PDLIM5: variants seen among roughly 807,000 people sequenced by gnomAD.
PDLIM5 encodes the protein PDZ and LIM domain 5.
Under a neutral mutation model 64.2 loss-of-function variants are expected in PDLIM5, and 34 were observed. That is an observed-to-expected ratio of 0.53 (90% confidence interval 0.40 to 0.71). PDLIM5 has a LOEUF of 0.71. Ranked by LOEUF, PDLIM5 falls within the 30% of genes least tolerant of loss-of-function variation. The pLI is 0.00. For missense variants in PDLIM5, 683 were observed against 733.6 expected (o/e 0.93, Z 0.80); for synonymous variants, 253 against 269.1 (o/e 0.94, Z 0.59).
At chr4:94,647,160 G>T (rs1214937136) in intron 9 of PDLIM5, among the ~76,000 whole-genome samples, 2 of 152,044 alleles carry the variant, frequency 1.3e-5, no homozygotes, top group Non-Finnish European at 2.9e-5. Flanking sequence ...TTATCAGTAG[G>T]TTACATTAAA....
intron 9 of PDLIM5, among the ~76,000 whole-genome samples, chr4:94,653,782 A>G (rs1742016068): frequency 6.6e-6 from 1 of 152,214 alleles, no homozygotes; most frequent in Non-Finnish European, 1.5e-5. Context: ...TCTTACCACA[A>G]TAAAATTAAA....
intron 2 of PDLIM5, among the ~76,000 whole-genome samples, chr4:94,467,915 G>A (rs539627619): frequency 6.6e-6 from 1 of 152,180 alleles, no homozygotes; most frequent in Non-Finnish European, 1.5e-5. Flanking sequence ...TTCTTCAAAT[G>A]TTTCTCTCAT....
intron 2 of PDLIM5, among the ~76,000 whole-genome samples, chr4:94,493,178 G>A (rs1159439688): frequency 1.3e-5 from 2 of 151,928 alleles, no homozygotes; most frequent in African/African-American, 2.4e-5. Flanking sequence ...ATTGCTATTC[G>A]GATCTTTTGC....
At chr4:94,645,408 CTTT>C (rs1741335899) in intron 9 of PDLIM5, among the ~76,000 whole-genome samples, 2 of 152,152 alleles carry the variant, frequency 1.3e-5, no homozygotes, top group African/African-American at 4.8e-5. Flanking sequence ...ACACTGACTT[CTTT>C]TCCTGTTAGT....
At chr4:94,485,914 T>G (rs1317182836) in intron 2 of PDLIM5, among the ~76,000 whole-genome samples, 1 of 150,034 alleles carries the variant, frequency 6.7e-6, no homozygotes, top group Non-Finnish European at 1.5e-5. Context: ...TTAAAAAACA[T>G]GAAATCATGT....
chr4:94,546,701 A>C (rs1446322794), intron 3 of PDLIM5, among the ~76,000 whole-genome samples: 1 of 152,142 alleles, frequency 6.6e-6, no homozygotes, highest in Non-Finnish European at 1.5e-5. Flanking sequence ...ATTTTTTAAA[A>C]TATAAAGCTA....
At chr4:94,601,715 C>T (rs952751355) in intron 7 of PDLIM5, among the ~76,000 whole-genome samples, 2 of 152,068 alleles carry the variant, frequency 1.3e-5, no homozygotes, top group Non-Finnish European at 2.9e-5. Context: ...TCTCAAGATG[C>T]CATCTATGTA....
intron 5 of PDLIM5, among the ~76,000 whole-genome samples, chr4:94,585,193 C>T (rs113288904): frequency 2.0e-5 from 3 of 152,056 alleles, no homozygotes; most frequent in Non-Finnish European, 2.9e-5. Context: ...CAGGTTCAAG[C>T]GATTCTCCTG....
chr4:94,582,695 G>T (rs765725438), intron 5 of PDLIM5: 1 of 1,547,646 alleles, frequency 6.5e-7, no homozygotes, highest in Non-Finnish European at 8.9e-7. Context: ...ATCTTTTTTT[G>T]TGTGTGTTAT....
chr4:94,613,888 A>T (rs1023350044), intron 7 of PDLIM5, among the ~76,000 whole-genome samples: 3 of 151,956 alleles, frequency 2.0e-5, no homozygotes, highest in Non-Finnish European at 4.4e-5. Context: ...AATCATTAGA[A>T]GTTTCTTGCT....
intron 8 of PDLIM5, among the ~76,000 whole-genome samples, chr4:94,636,424 A>AG (rs1451491310): frequency 6.6e-6 from 1 of 151,960 alleles, no homozygotes; most frequent in Non-Finnish European, 1.5e-5. Flanking sequence ...GGCAAAAAAA[A>AG]AAAAAAATTG....
At chr4:94,589,293 CA>C (rs1051344101) in intron 7 of PDLIM5, among the ~76,000 whole-genome samples, 6 of 151,898 alleles carry the variant, frequency 4.0e-5, no homozygotes, top group African/African-American at 1.5e-4. Context: ...CTAATACAGA[CA>C]AGAGAACATG....
chr4:94,605,062 A>T (rs1245626514), intron 7 of PDLIM5, among the ~76,000 whole-genome samples: 1 of 152,146 alleles, frequency 6.6e-6, no homozygotes, highest in East Asian at 1.9e-4. Context: ...GAAAGTAAAG[A>T]TAGTCTGTTG....
intron 8 of PDLIM5, among the ~76,000 whole-genome samples, chr4:94,635,718 C>G (rs1740506124): frequency 1.3e-5 from 2 of 152,204 alleles, no homozygotes; most frequent in Admixed American, 1.3e-4. Flanking sequence ...TTACACGTCC[C>G]TCTTCCCCGT....
At chr4:94,534,868 C>T (rs534876276) in intron 3 of PDLIM5, among the ~76,000 whole-genome samples, 1 of 152,302 alleles carries the variant, frequency 6.6e-6, no homozygotes, top group African/African-American at 2.4e-5. Flanking sequence ...ACTTCCCTGA[C>T]TTCCCTCTCT....
intron 5 of PDLIM5, among the ~76,000 whole-genome samples, chr4:94,578,618 T>G (rs529062462): frequency 1.4e-4 from 21 of 152,158 alleles, no homozygotes; most frequent in Non-Finnish European, 2.5e-4. Context: ...ATTACACACT[T>G]TACTAGTCAG....
At chr4:94,648,127 T>C (rs1741562159) in intron 9 of PDLIM5, among the ~76,000 whole-genome samples, 1 of 151,464 alleles carries the variant, frequency 6.6e-6, no homozygotes, top group Non-Finnish European at 1.5e-5. Flanking sequence ...TCAAACTAAG[T>C]CCAAAACTTA....
At chr4:94,544,737 C>T (rs184579045) in intron 3 of PDLIM5, among the ~76,000 whole-genome samples, 157 of 152,322 alleles carry the variant, frequency 1.0e-3, no homozygotes, top group African/African-American at 3.7e-3. Flanking sequence ...CTCACTACAA[C>T]CTCCGCCTCT....
Position 94,589,120 on chromosome 4 carries a change from A to G in PDLIM5, c.920+2676A>G, listed in dbSNP as rs1384729673. Among the ~76,000 whole-genome samples the G allele has an allele frequency of 2.6e-5, 4 of 152,338 alleles. No homozygotes were observed. In the East Asian group the frequency reaches 7.7e-4, roughly 29 times the overall value. On this transcript the variant is annotated intron_variant, in intron 7 of 12. Transcript: ENST00000317968. ...TACCCAGTAATTCTTCCAGGATCCT[A>G]AAAGATGATGTCTGAGAGACGATGG...
Sources: gnomAD v4.1 joint callset for allele counts (sites outside exome capture counted in the v4.1 genomes callset) on GRCh38, gnomAD v4.1.1 for gene constraint, MANE v1.5 for transcripts, NCBI Gene and HGNC (gene_info 2026-07-23, HGNC 2026-07-21) for gene names.